ENTREP2: variants seen among roughly 807,000 people sequenced by gnomAD.
ENTREP2 encodes endosomal transmembrane epsin interactor 2.
the ENTREP2 span, among the ~76,000 whole-genome samples, chr15:29,656,046 A>AC: frequency 5.2e-3 from 783 of 150,620 alleles, 13 homozygotes; most frequent in African/African-American, 0.018. Flanking sequence ...AAAAAAAACA[A>AC]CTATGTAGGC....
the ENTREP2 span, among the ~76,000 whole-genome samples, chr15:29,326,269 A>T: frequency 6.6e-6 from 1 of 152,206 alleles, no homozygotes; most frequent in South Asian, 2.1e-4. Context: ...CATAGATTGA[A>T]AAGTCAGAAA....
At chr15:29,383,021 G>A in the ENTREP2 span, among the ~76,000 whole-genome samples, 1 of 151,908 alleles carries the variant, frequency 6.6e-6, no homozygotes, top group Non-Finnish European at 1.5e-5. Context: ...CCACTTCCCA[G>A]GGGCCGCTCT....
the ENTREP2 span, among the ~76,000 whole-genome samples, chr15:29,484,246 A>C: frequency 6.6e-6 from 1 of 152,216 alleles, no homozygotes; most frequent in Non-Finnish European, 1.5e-5. Flanking sequence ...TGGCCCTTCC[A>C]TTCATAATGC....
the ENTREP2 span, among the ~76,000 whole-genome samples, chr15:29,333,638 T>C: frequency 1.3e-5 from 2 of 152,170 alleles, no homozygotes; most frequent in Admixed American, 1.3e-4. Flanking sequence ...GCCTTATCCA[T>C]TTTCTCTTAC....
chr15:29,466,857 G>T, the ENTREP2 span, among the ~76,000 whole-genome samples: 1 of 142,310 alleles, frequency 7.0e-6, no homozygotes, highest in Non-Finnish European at 1.5e-5. Flanking sequence ...GGAGGGCCCA[G>T]GGGAGGATGC....
At chr15:29,456,188 G>C in the ENTREP2 span, among the ~76,000 whole-genome samples, 1 of 152,106 alleles carries the variant, frequency 6.6e-6, no homozygotes, top group Non-Finnish European at 1.5e-5. Context: ...AGAGAATTTG[G>C]TGATATCATT....
the ENTREP2 span, among the ~76,000 whole-genome samples, chr15:29,510,273 C>G: frequency 6.6e-6 from 1 of 152,108 alleles, no homozygotes; most frequent in East Asian, 1.9e-4. Flanking sequence ...GGATGTGGAG[C>G]AACAGGAACG....
chr15:29,478,310 A>C, the ENTREP2 span, among the ~76,000 whole-genome samples: 1 of 151,966 alleles, frequency 6.6e-6, no homozygotes, highest in African/African-American at 2.4e-5. Context: ...TATAGGTGTG[A>C]GCCACCGCGT....
the ENTREP2 span, among the ~76,000 whole-genome samples, chr15:29,533,183 G>A: frequency 1.6e-4 from 24 of 152,160 alleles, no homozygotes; most frequent in African/African-American, 4.6e-4. Flanking sequence ...GGAAGCACCC[G>A]CCCAGCAGGT....
At chr15:29,120,779 G>T in the ENTREP2 span, 1 of 152,302 alleles carries the variant, frequency 6.6e-6, no homozygotes, top group South Asian at 2.1e-4. Flanking sequence ...GACGCATAGG[G>T]AGGGGAAGCA....
chr15:29,356,276 A>G, the ENTREP2 span, among the ~76,000 whole-genome samples: 74 of 44,344 alleles, frequency 1.7e-3, no homozygotes, highest in Middle Eastern at 0.01. Flanking sequence ...GTGTATATAT[A>G]TATATATATA....
At chr15:29,136,570 G>C in the ENTREP2 span, 7 of 1,509,656 alleles carry the variant, frequency 4.6e-6, no homozygotes, top group African/African-American at 8.4e-5. Context: ...AGCTCTCAAA[G>C]CCGCCAGAGC....
the ENTREP2 span, among the ~76,000 whole-genome samples, chr15:29,642,671 G>A: frequency 6.6e-6 from 1 of 151,706 alleles, no homozygotes; most frequent in African/African-American, 2.4e-5. Context: ...GAAGTGCAGT[G>A]GCACGATCTC....
the ENTREP2 span, among the ~76,000 whole-genome samples, chr15:29,382,090 C>A: frequency 2.6e-5 from 4 of 152,060 alleles, no homozygotes; most frequent in Non-Finnish European, 5.9e-5. Context: ...CTTTCTGAAA[C>A]ACCCCACCCT....
the ENTREP2 span, among the ~76,000 whole-genome samples, chr15:29,490,250 G>C: frequency 6.6e-6 from 1 of 152,152 alleles, no homozygotes; most frequent in Non-Finnish European, 1.5e-5. Context: ...CTCCCAATGG[G>C]TTTATGGTCT....
the ENTREP2 span, among the ~76,000 whole-genome samples, chr15:29,617,802 G>C: frequency 1.6e-3 from 241 of 152,316 alleles, no homozygotes; most frequent in African/African-American, 5.5e-3. Context: ...TGCACAAGGT[G>C]GTGGGTGACG....
the ENTREP2 span, among the ~76,000 whole-genome samples, chr15:29,193,762 C>T: frequency 2.0e-5 from 3 of 152,234 alleles, no homozygotes; most frequent in Admixed American, 2.0e-4. Flanking sequence ...AAAGAATCTG[C>T]AAAAGAGCTA....
the ENTREP2 span, among the ~76,000 whole-genome samples, chr15:29,150,089 C>T: frequency 1.3e-5 from 2 of 152,234 alleles, no homozygotes; most frequent in African/African-American, 4.8e-5. Context: ...CTACACATTT[C>T]AAATCCAACA....
the ENTREP2 span, among the ~76,000 whole-genome samples, chr15:29,496,638 T>G: frequency 1.3e-5 from 2 of 152,140 alleles, no homozygotes; most frequent in Non-Finnish European, 2.9e-5. Flanking sequence ...ATTGTTGAAT[T>G]TTGTCAAATG....
Sources: allele counts gnomAD v4.1 joint callset (sites outside exome capture counted in the v4.1 genomes callset), GRCh38; gene constraint gnomAD v4.1.1; transcripts MANE v1.5; gene names NCBI Gene and HGNC (gene_info 2026-07-23, HGNC 2026-07-21).